MICU1: variants seen among roughly 807,000 people sequenced by gnomAD.
MICU1 encodes mitochondrial calcium uptake 1, also known as calcium uptake protein 1, mitochondrial.
A neutral mutation model predicts 56.8 loss-of-function variants in MICU1; 45 were observed. The ratio of observed to expected loss-of-function variants is 0.79; its 90% CI spans 0.62 to 1.02. The LOEUF is 1.02. MICU1 is among the 50% of genes least tolerant of loss of function. The pLI, the probability that MICU1 is intolerant of heterozygous loss-of-function variation, is 0.00. For synonymous variants in MICU1, 186 were observed against 195.1 expected (o/e 0.95, Z 0.39); for missense variants, 504 against 587.1 (o/e 0.86, Z 1.46).
intron 10 of MICU1, among the ~76,000 whole-genome samples, chr10:72,400,768 T>C (rs1387546634): frequency 1.3e-5 from 2 of 151,748 alleles, no homozygotes; most frequent in Non-Finnish European, 2.9e-5. Context: ...AATAAAGACT[T>C]CAAATCTTAT....
intron 8 of MICU1, among the ~76,000 whole-genome samples, chr10:72,455,987 G>A (rs952102802): frequency 6.6e-6 from 1 of 152,190 alleles, no homozygotes; most frequent in African/African-American, 2.4e-5. Flanking sequence ...CTGATCTACA[G>A]TGCTGGAATA....
At chr10:72,565,077 T>A (rs1002388234) in intron 2 of MICU1, among the ~76,000 whole-genome samples, 2 of 149,454 alleles carry the variant, frequency 1.3e-5, no homozygotes, top group African/African-American at 5.0e-5. Context: ...CCCCAGGAGT[T>A]CAAGACCAGC....
At chr10:72,587,450 G>T (rs553361859) in intron 1 of MICU1, among the ~76,000 whole-genome samples, 2 of 137,164 alleles carry the variant, frequency 1.5e-5, no homozygotes, top group South Asian at 4.6e-4. Flanking sequence ...GACAACAAGA[G>T]TGGCAGCATG....
intron 5 of MICU1, among the ~76,000 whole-genome samples, chr10:72,512,441 CAAAT>C (rs982235642): frequency 2.0e-5 from 3 of 152,074 alleles, no homozygotes; most frequent in African/African-American, 7.2e-5. Context: ...ACTTAACTCC[CAAAT>C]AAAGATAACA....
chr10:72,580,965 GA>G (rs533917027), intron 1 of MICU1, among the ~76,000 whole-genome samples: 3 of 149,914 alleles, frequency 2.0e-5, no homozygotes, highest in Admixed American at 2.0e-4. Flanking sequence ...TTTGAAAACA[GA>G]AAAAAAAAGA....
Position 72,549,867 on chromosome 10 carries a change from T to C in MICU1, c.493+1312A>G, listed in dbSNP as rs1589331216. On this transcript the variant is annotated intron_variant, in intron 4 of 11. Coordinates refer to ENST00000361114, the MANE Select transcript of MICU1 (RefSeq NM_001195518.2). ...ATCGCTTGAACCCAGGAGGTGGAGA[T>C]TGCAGTGAGCTGAGATTGCGCCATT... 1.3e-5 allele frequency among the ~76,000 whole-genome samples: 2 copies of C among 148,716 alleles called. 1 individual carries two copies. The highest frequency in any genetic ancestry group is 5.1e-5 in the African/African-American group (2 of 39,498).
intron 1 of MICU1, among the ~76,000 whole-genome samples, chr10:72,617,510 A>G (rs1842010594): frequency 6.6e-6 from 1 of 152,114 alleles, no homozygotes; most frequent in Admixed American, 6.6e-5. Context: ...TGATAAGAAC[A>G]CCAAAGCTTG....
At chr10:72,422,598 A>G (rs1864211623) in intron 9 of MICU1, among the ~76,000 whole-genome samples, 1 of 152,040 alleles carries the variant, frequency 6.6e-6, no homozygotes, top group African/African-American at 2.4e-5. Flanking sequence ...ACCAAAACCA[A>G]TGGATGTTAC....
chr10:72,385,547 GATTTTT>G (rs1221353320), intron 10 of MICU1, among the ~76,000 whole-genome samples: 1 of 152,110 alleles, frequency 6.6e-6, no homozygotes, highest in Non-Finnish European at 1.5e-5. Flanking sequence ...TAAACAAAAT[GATTTTT>G]AAGTTATCTT....
At chr10:72,577,433 C>T (rs752971765) in intron 1 of MICU1, among the ~76,000 whole-genome samples, 21 of 151,106 alleles carry the variant, frequency 1.4e-4, no homozygotes, top group Non-Finnish European at 2.4e-4. Context: ...TGCTTGAACC[C>T]GGGAGGCGGA....
intron 8 of MICU1, among the ~76,000 whole-genome samples, chr10:72,463,491 A>T (rs1278295201): frequency 1.3e-5 from 2 of 152,254 alleles, no homozygotes; most frequent in African/African-American, 4.8e-5. Flanking sequence ...TCCAAAAGGT[A>T]TGAAACAAAA....
intron 1 of MICU1, among the ~76,000 whole-genome samples, chr10:72,578,927 T>C (rs1057254337): frequency 6.6e-6 from 1 of 152,134 alleles, no homozygotes; most frequent in African/African-American, 2.4e-5. Context: ...ATAATGTTAC[T>C]GCACACTTCA....
chr10:72,499,401 C>T (rs572833503), intron 6 of MICU1, among the ~76,000 whole-genome samples: 1 of 152,148 alleles, frequency 6.6e-6, no homozygotes, highest in Non-Finnish European at 1.5e-5. Context: ...TTGACAGAAG[C>T]TGCATTATCA....
chr10:72,567,919 T>C (rs896274294), intron 1 of MICU1, among the ~76,000 whole-genome samples: 8 of 152,150 alleles, frequency 5.3e-5, no homozygotes, highest in African/African-American at 1.9e-4. Context: ...AAGATGTGTT[T>C]AGAGCTGAAA....
chr10:72,608,076 T>G (rs1013011487), intron 1 of MICU1, among the ~76,000 whole-genome samples: 2 of 151,676 alleles, frequency 1.3e-5, no homozygotes, highest in Non-Finnish European at 2.9e-5. Flanking sequence ...ATCAAATAAT[T>G]TTTTTTTTGA....
At chr10:72,587,645 A>G (rs571750170) in intron 1 of MICU1, among the ~76,000 whole-genome samples, 4 of 151,956 alleles carry the variant, frequency 2.6e-5, no homozygotes, top group Admixed American at 6.6e-5. Flanking sequence ...TTAGCTGGAC[A>G]TGGTGGTGCA....
intron 1 of MICU1, among the ~76,000 whole-genome samples, chr10:72,607,637 CA>C (rs368820136): frequency 0.048 from 2,856 of 59,914 alleles, 71 homozygotes; most frequent in African/African-American, 0.13. Flanking sequence ...AACTCCATCT[CA>C]AAAAAAAAAA....
chr10:72,582,787 A>AG (rs1840936355), intron 1 of MICU1: 1 of 151,230 alleles, frequency 6.6e-6, no homozygotes, highest in African/African-American at 2.4e-5. Context: ...TTGTCTCAAA[A>AG]AAAAAAAAAA....
chr10:72,525,271 T>A (rs771706300), intron 5 of MICU1, among the ~76,000 whole-genome samples: 47 of 152,230 alleles, frequency 3.1e-4, no homozygotes, highest in Admixed American at 1.6e-3. Context: ...TTAAAGATTT[T>A]TTTCAATAAA....
Sources: allele counts gnomAD v4.1 joint callset (sites outside exome capture counted in the v4.1 genomes callset), GRCh38; gene constraint gnomAD v4.1.1; transcripts MANE v1.5; gene names NCBI Gene and HGNC (gene_info 2026-07-23, HGNC 2026-07-21).